The following PARD3B variants were observed in gnomAD, a reference collection of about 807,000 sequenced individuals.
The protein encoded by PARD3B is partitioning defective 3 homolog B.
In PARD3B, 103 loss-of-function variants were observed where a neutral mutation model predicts 130.2. That is an observed-to-expected ratio of 0.79 (90% CI 0.67 to 0.93). The LOEUF (loss-of-function observed/expected upper bound fraction) is 0.93, where lower values mean the gene tolerates loss of function less well. Ranked by LOEUF, PARD3B falls within the 40% of genes least tolerant of loss-of-function variation. The pLI, the probability that PARD3B is intolerant of heterozygous loss-of-function variation, is 0.00. For missense variants in PARD3B, 1,609 were observed against 1,499.2 expected (o/e 1.07, Z -1.21); for synonymous variants, 583 against 553.2 (o/e 1.05, Z -0.76).
chr2:205,029,620 A>G (rs1280702923), intron 3 of PARD3B, among the ~76,000 whole-genome samples: 2 of 152,170 alleles, frequency 1.3e-5, no homozygotes, highest in Non-Finnish European at 2.9e-5. Flanking sequence ...AGCGCTTTCC[A>G]GTGACTGCTT....
intron 2 of PARD3B, among the ~76,000 whole-genome samples, chr2:204,709,594 A>G (rs2038339537): frequency 6.6e-6 from 1 of 152,192 alleles, no homozygotes; most frequent in African/African-American, 2.4e-5. Context: ...TGGACCATCT[A>G]CCTAGTACCT....
At chr2:205,326,879 A>G (rs2042956106) in intron 18 of PARD3B, among the ~76,000 whole-genome samples, 1 of 152,186 alleles carries the variant, frequency 6.6e-6, no homozygotes. Flanking sequence ...AATAAAAATC[A>G]ATATTAATCA....
chr2:204,981,026 A>G (rs1456692406), intron 3 of PARD3B, among the ~76,000 whole-genome samples: 1 of 152,220 alleles, frequency 6.6e-6, no homozygotes, highest in East Asian at 1.9e-4. Context: ...GCAAGTTATA[A>G]ATTAATTCAA....
intron 20 of PARD3B, among the ~76,000 whole-genome samples, chr2:205,498,230 G>T (rs1424836431): frequency 2.7e-5 from 4 of 145,580 alleles, no homozygotes; most frequent in African/African-American, 7.6e-5. Context: ...GGCCAGGCGT[G>T]GTGGCTCACG....
intron 2 of PARD3B, among the ~76,000 whole-genome samples, chr2:204,695,643 A>G (rs945032229): frequency 2.0e-5 from 3 of 151,868 alleles, no homozygotes; most frequent in Non-Finnish European, 2.9e-5. Context: ...TTGAACTGTG[A>G]TGTATCACAC....
At position 204,590,059 on chromosome 2, in the gene PARD3B, G is replaced by T. The variant is rs184590238; in HGVS notation, c.120+43940G>T. Reference sequence around the variant, plus strand: ...GCTTAGAGGGTGATTGTATTAGTCTGTTCTGACTGCTATAACAAATATGCC... The same window carrying T: ...GCTTAGAGGGTGATTGTATTAGTCTTTTCTGACTGCTATAACAAATATGCC... On this transcript the variant is annotated intron_variant, in intron 1 of 22. Coordinates refer to ENST00000406610, the MANE Select transcript of PARD3B (RefSeq NM_001302769.2). Among the ~76,000 whole-genome samples, 15 of 152,268 alleles carry T rather than the reference G, an allele frequency of 9.9e-5. No individual in the cohort carries two copies. In the East Asian group the frequency reaches 2.5e-3, roughly 25 times the overall value.
chr2:205,509,703 A>G (rs773192837), intron 21 of PARD3B, among the ~76,000 whole-genome samples: 26 of 152,212 alleles, frequency 1.7e-4, no homozygotes, highest in Non-Finnish European at 3.2e-4. Flanking sequence ...CTCTGTTGCT[A>G]CTACACTAGC....
chr2:205,149,377 C>A (rs543146745), intron 10 of PARD3B, among the ~76,000 whole-genome samples: 101 of 152,038 alleles, frequency 6.6e-4, no homozygotes, highest in Non-Finnish European at 8.7e-4. Flanking sequence ...TGTGCCTTGC[C>A]CCATCCTGGA....
Position 205,584,631 on chromosome 2 carries a change from T to C in PARD3B, c.3261-30825T>C, listed in dbSNP as rs2054127267. On this transcript the variant is annotated intron_variant, in intron 22 of 22. Coordinates refer to ENST00000406610, the MANE Select transcript of PARD3B (RefSeq NM_001302769.2). This position sits in a 1 kb window ranked among gnomAD's most constrained non-coding sequence, Gnocchi z 5.5. ...AGGCAGAGGTTGCAGTGAGCCAAGATTGCACCACTGCACTGTAGCCTGGGC... is the reference window on the plus strand; with the variant it reads ...AGGCAGAGGTTGCAGTGAGCCAAGACTGCACCACTGCACTGTAGCCTGGGC... Among the ~76,000 whole-genome samples, 1 of 151,950 alleles carries C rather than the reference T, an allele frequency of 6.6e-6. No individual in the cohort carries two copies. The highest frequency in any genetic ancestry group is 2.1e-4 in the South Asian group (1 of 4,810).
At position 205,281,473 on chromosome 2, in the gene PARD3B, C is replaced by A. The variant is rs1453627546; in HGVS notation, c.2186-19057C>A. On this transcript the variant is annotated intron_variant, in intron 16 of 22. Transcript: ENST00000406610. This position sits in a 1 kb window ranked among gnomAD's most constrained non-coding sequence, Gnocchi z 4.2. ...AAGAAAGAGACCTTGTTCCAGTGAACAGTTAGCAAACTAGGGAGATGCAGT... is the reference window on the plus strand; with the variant it reads ...AAGAAAGAGACCTTGTTCCAGTGAAAAGTTAGCAAACTAGGGAGATGCAGT... 2.0e-5 allele frequency among the ~76,000 whole-genome samples: 3 copies of A among 152,160 alleles called. No individual in the cohort carries two copies. Among genetic ancestry groups the A allele is most frequent in the Non-Finnish European group, 4.4e-5 (3 of 68,006 alleles).
intron 3 of PARD3B, among the ~76,000 whole-genome samples, chr2:205,025,676 G>A (rs760873937): frequency 2.6e-5 from 4 of 151,928 alleles, no homozygotes; most frequent in African/African-American, 4.8e-5. Flanking sequence ...GAGCTGTATC[G>A]GTGGTCTGGG....
intron 20 of PARD3B, among the ~76,000 whole-genome samples, chr2:205,492,297 G>C (rs2049747195): frequency 6.6e-6 from 1 of 152,124 alleles, no homozygotes; most frequent in Admixed American, 6.6e-5. Flanking sequence ...TGTGTTGTCT[G>C]TTTAATATTA....
At chr2:204,818,351 C>T (rs1207785308) in intron 2 of PARD3B, among the ~76,000 whole-genome samples, 1 of 152,166 alleles carries the variant, frequency 6.6e-6, no homozygotes, top group Non-Finnish European at 1.5e-5. Context: ...TAATTATTCA[C>T]ACTGATTTTA....
At chr2:205,368,598 C>G (rs1175001133) in intron 18 of PARD3B, among the ~76,000 whole-genome samples, 1 of 152,208 alleles carries the variant, frequency 6.6e-6, no homozygotes, top group East Asian at 1.9e-4. Context: ...GGCCACTGCA[C>G]TCCAGCCTGG....
intron 20 of PARD3B, among the ~76,000 whole-genome samples, chr2:205,483,641 G>T (rs112650590): frequency 4.6e-5 from 7 of 151,484 alleles, no homozygotes; most frequent in African/African-American, 1.7e-4. Flanking sequence ...TTTTGGACAC[G>T]GTATTAAAAA....
intron 3 of PARD3B, among the ~76,000 whole-genome samples, chr2:204,983,389 A>G (rs1047222688): frequency 7.0e-6 from 1 of 142,104 alleles, no homozygotes; most frequent in Non-Finnish European, 1.5e-5. Context: ...AAATGTAAGC[A>G]TGGTGGCTGT....
chr2:205,032,878 T>A (rs1004114546), intron 3 of PARD3B, among the ~76,000 whole-genome samples: 3 of 152,192 alleles, frequency 2.0e-5, no homozygotes, highest in African/African-American at 4.8e-5. Context: ...TCATATAGAT[T>A]TGTATTCAGG....
chr2:205,178,178 A>AAAAAAG, intron 13 of PARD3B, among the ~76,000 whole-genome samples: 1 of 137,428 alleles, frequency 7.3e-6, no homozygotes. Flanking sequence ...AAAAAAAAAA[A>AAAAAAG]TTAGTCTGAT....
intron 2 of PARD3B, among the ~76,000 whole-genome samples, chr2:204,788,615 C>G (rs957862435): frequency 6.6e-6 from 1 of 152,178 alleles, no homozygotes; most frequent in Admixed American, 6.5e-5. Flanking sequence ...TGTGAACTCA[C>G]AGCAAGGAAT....
Sources: allele counts gnomAD v4.1 joint callset (sites outside exome capture counted in the v4.1 genomes callset), GRCh38; gene constraint gnomAD v4.1.1; non-coding constraint Gnocchi (gnomAD v3.1); transcripts MANE v1.5; gene names NCBI Gene and HGNC (gene_info 2026-07-23, HGNC 2026-07-21).